The following RAB3IP variants were observed in gnomAD, a reference collection of about 807,000 sequenced individuals.
The protein encoded by RAB3IP is RAB3A interacting protein.
In RAB3IP, 36 loss-of-function variants were observed where a neutral mutation model predicts 59.1. The ratio of observed to expected loss-of-function variants is 0.61; its 90% CI spans 0.47 to 0.80. The LOEUF (loss-of-function observed/expected upper bound fraction) is 0.80. Ranked by LOEUF, RAB3IP falls within the 30% of genes least tolerant of loss-of-function variation. The probability of loss-of-function intolerance (pLI) is 0.00; values close to 1 mark genes in which losing one functional copy is unlikely to be tolerated. For missense variants in RAB3IP, 511 were observed against 536.0 expected, an observed-to-expected ratio of 0.95 and a Z score of 0.46; for synonymous variants, 207 against 191.2, an observed-to-expected ratio of 1.08 and a Z score of -0.68.
At chr12:69,761,794 C>T (rs1265583985) in intron 3 of RAB3IP, among the ~76,000 whole-genome samples, 2 of 152,172 alleles carry the variant, frequency 1.3e-5, no homozygotes, top group Admixed American at 6.5e-5. Flanking sequence ...CCCAAATTTT[C>T]GTGACTTTAC....
intron 3 of RAB3IP, among the ~76,000 whole-genome samples, chr12:69,779,378 C>A (rs138720091): frequency 6.6e-6 from 1 of 151,258 alleles, no homozygotes. Flanking sequence ...CCGTCTTCTG[C>A]GTCGCTCACG....
At chr12:69,780,427 T>C (rs959997251) in intron 3 of RAB3IP, among the ~76,000 whole-genome samples, 2 of 152,086 alleles carry the variant, frequency 1.3e-5, no homozygotes, top group Admixed American at 1.3e-4. Context: ...TTCACTGCTG[T>C]GGGACAGAGG....
intron 3 of RAB3IP, among the ~76,000 whole-genome samples, chr12:69,764,804 T>C (rs1871933233): frequency 6.6e-6 from 1 of 152,230 alleles, no homozygotes; most frequent in Non-Finnish European, 1.5e-5. Flanking sequence ...AATTTCTTTG[T>C]GTTATTTATG....
At chr12:69,764,500 T>C (rs1251009993) in intron 3 of RAB3IP, among the ~76,000 whole-genome samples, 3 of 152,232 alleles carry the variant, frequency 2.0e-5, no homozygotes, top group Non-Finnish European at 4.4e-5. Flanking sequence ...TCCATTAGTC[T>C]ATGTGTCTGT....
intron 5 of RAB3IP, 53 bp from the exon 6 acceptor site, chr12:69,795,088 C>T: frequency 7.6e-7 from 1 of 1,310,356 alleles, no homozygotes. Context: ...TATTTAGCTG[C>T]ATATGTCATG....
At chr12:69,814,667 A>AGTG (rs137930222) in intron 10 of RAB3IP, among the ~76,000 whole-genome samples, 1 of 151,600 alleles carries the variant, frequency 6.6e-6, no homozygotes, top group Admixed American at 6.6e-5. Flanking sequence ...GGGAATGAGG[A>AGTG]GTGGTGGTGG....
At chr12:69,795,118 G>A (rs2136230614) in intron 5 of RAB3IP, 23 bp from the exon 6 acceptor site, 4 of 1,577,382 alleles carry the variant, frequency 2.5e-6, no homozygotes, top group Non-Finnish European at 3.5e-6. Flanking sequence ...TAATGTATGT[G>A]ACTATGTTGA....
At position 69,755,710 on chromosome 12, in the gene RAB3IP, G is replaced by A. The variant is rs936760434; in HGVS notation, c.251+51G>A. ...TGATTTTTTTTAAAATGGACAGTTTGCTTAGTTACTATATTTTAAGTTTTA... is the reference window on the plus strand; with the variant it reads ...TGATTTTTTTTAAAATGGACAGTTTACTTAGTTACTATATTTTAAGTTTTA... On this transcript the variant is annotated intron_variant, in intron 2 of 10. Transcript: ENST00000247833. 6 of 1,447,416 alleles carry A rather than the reference G, an allele frequency of 4.1e-6. No homozygotes were observed. In the African/African-American group the frequency reaches 7.1e-5, roughly 17 times the overall value. 89.7% of individuals were successfully genotyped at this position (1,447,416 alleles called of 1,614,324 possible).
In RAB3IP at chr12:69,790,267, C is replaced by T. The variant is rs572972204; in HGVS notation, c.607-4170C>T. Among the ~76,000 whole-genome samples, 32 of 152,146 alleles carry T rather than the reference C, an allele frequency of 2.1e-4. No individual in the cohort carries two copies. In the South Asian group the frequency reaches 3.5e-3, roughly 17 times the overall value. ...GTTTTTATACATGGACAACCAGTTACCTGAAAAGGAATTTAAGAGAACAAT... is the reference window on the plus strand; with the variant it reads ...GTTTTTATACATGGACAACCAGTTATCTGAAAAGGAATTTAAGAGAACAAT... On this transcript the variant is annotated intron_variant, in intron 4 of 10. Coordinates refer to ENST00000247833, the MANE Select transcript of RAB3IP (RefSeq NM_022456.5).
chr12:69,740,358 G>A (rs1887197762), intron 1 of RAB3IP, among the ~76,000 whole-genome samples: 1 of 152,180 alleles, frequency 6.6e-6, no homozygotes, highest in South Asian at 2.1e-4. Flanking sequence ...GACAGACAGT[G>A]TATTCCAGAT....
At position 69,819,484 on chromosome 12, in the gene RAB3IP, TG is replaced by T. The variant is rs1263332620; in HGVS notation, c.*4042del. On this transcript the variant is annotated 3_prime_UTR_variant, in exon 11 of 11. Transcript: ENST00000247833. ...AGTAAGGTCAGTCCAGGAGAAAATT[TG>T]GGGAGTAGTTAGCCATGGGATCAGA... is the stretch of plus-strand genomic sequence containing the variant. 1 of 152,258 alleles carries T rather than the reference TG, an allele frequency of 6.6e-6. No individual in the cohort carries two copies. Among genetic ancestry groups the T allele is most frequent in the Admixed American group, 6.6e-5 (1 of 15,266 alleles). The allele number at this position is 152,258 out of a possible 1,614,324, so 9.4% of individuals were successfully genotyped here.
chr12:69,739,326 T>TC (rs1887025508), intron 1 of RAB3IP: 1 of 151,918 alleles, frequency 6.6e-6, no homozygotes, highest in South Asian at 2.1e-4. Context: ...CGGCGGCTCC[T>TC]CCCCCGGGCA....
chr12:69,779,976 C>G (rs188360790), intron 3 of RAB3IP, among the ~76,000 whole-genome samples: 2 of 152,236 alleles, frequency 1.3e-5, no homozygotes, highest in African/African-American at 4.8e-5. Context: ...TTGTGCCCAT[C>G]CTTCAGTGGG....
At chr12:69,783,005 C>G (rs575182682) in intron 3 of RAB3IP, among the ~76,000 whole-genome samples, 1 of 152,254 alleles carries the variant, frequency 6.6e-6, no homozygotes, top group South Asian at 2.1e-4. Context: ...TCATTGTTTT[C>G]TAACATAAAT....
chr12:69,780,000 C>G (rs1007767705), intron 3 of RAB3IP, among the ~76,000 whole-genome samples: 16 of 152,172 alleles, frequency 1.1e-4, no homozygotes, highest in Non-Finnish European at 1.9e-4. Context: ...ATCTAGAGAT[C>G]TAAGACTGGC....
chr12:69,815,188 G>GATAAAACTGGGATGGTCACA (rs1880990232), intron 10 of RAB3IP, among the ~76,000 whole-genome samples, 176 bp from the exon 11 acceptor site: 1 of 152,128 alleles, frequency 6.6e-6, no homozygotes, highest in South Asian at 2.1e-4. Flanking sequence ...TTGCTTTATT[G>GATAAAACTGGGATGGTCACA]ATAAAACTGG....
At chr12:69,791,112 T>C (rs1485166606) in intron 4 of RAB3IP, among the ~76,000 whole-genome samples, 2 of 152,208 alleles carry the variant, frequency 1.3e-5, no homozygotes, top group East Asian at 3.8e-4. Context: ...TATCAATAAA[T>C]GCTGCTGAGA....
intron 1 of RAB3IP, among the ~76,000 whole-genome samples, chr12:69,747,301 T>TGC (rs1274186344): frequency 4.6e-5 from 6 of 129,728 alleles, no homozygotes; most frequent in African/African-American, 1.6e-4. Context: ...TTCGTGTGTG[T>TGC]GTGTGTGTGT....
rs1271750496 is a variant in RAB3IP at position 69,755,653 on chromosome 12, G to C, written c.245G>C (p.Ser82Thr). The C allele has an allele frequency of 6.2e-7, 1 of 1,608,386 alleles. No individual in the cohort carries two copies. Among genetic ancestry groups the C allele is most frequent in the Admixed American group, 1.7e-5 (1 of 59,720 alleles). ...CGTTTAAATTGTGCGGAAATATCTAGTATCAGGTAGGAAATAAGTAAATCA... is the reference window on the plus strand; with the variant it reads ...CGTTTAAATTGTGCGGAAATATCTACTATCAGGTAGGAAATAAGTAAATCA... ...PRRLNCAEIS[S>T]ISFHVTDPAP... The change falls in exon 2 of 11, where the codon AGT becomes ACT. Residue 82 changes from serine (S) to threonine (T), a missense_variant. Transcript: ENST00000247833.
Sources: allele counts gnomAD v4.1 joint callset (sites outside exome capture counted in the v4.1 genomes callset), GRCh38; gene constraint gnomAD v4.1.1; transcripts MANE v1.5; gene names NCBI Gene and HGNC (gene_info 2026-07-23, HGNC 2026-07-21).